The following RASSF8 variants were observed in gnomAD, a reference collection of about 807,000 sequenced individuals.
The protein encoded by RASSF8 is ras association domain-containing protein 8.
A neutral mutation model predicts 48.5 loss-of-function variants in RASSF8; 22 were observed. That is an observed-to-expected ratio of 0.45 (90% CI 0.32 to 0.65). The LOEUF (loss-of-function observed/expected upper bound fraction) is 0.65. RASSF8 is among the 30% of genes least tolerant of loss of function. RASSF8 has a pLI of 0.03. For missense variants in RASSF8, 418 were observed against 489.2 expected, an observed-to-expected ratio of 0.85 and a Z score of 1.37; for synonymous variants, 127 against 171.5, an observed-to-expected ratio of 0.74 and a Z score of 2.03.
At chr12:26,043,423 C>G (rs1412231989) in intron 2 of RASSF8, among the ~76,000 whole-genome samples, 1 of 152,156 alleles carries the variant, frequency 6.6e-6, no homozygotes, top group Non-Finnish European at 1.5e-5. Context: ...GTAACCTGCG[C>G]AGAGTTTGGA....
At chr12:26,048,085 G>T (rs1323591689) in intron 2 of RASSF8, among the ~76,000 whole-genome samples, 1 of 152,210 alleles carries the variant, frequency 6.6e-6, no homozygotes, top group African/African-American at 2.4e-5. Context: ...GGAACCATTT[G>T]GGTAGGCTGT....
intron 1 of RASSF8, among the ~76,000 whole-genome samples, chr12:25,994,818 G>C (rs1942094738): frequency 1.3e-5 from 2 of 152,166 alleles, no homozygotes; most frequent in Non-Finnish European, 2.9e-5. Context: ...GCACAAAAAT[G>C]CTAATTGAAA....
intron 2 of RASSF8, among the ~76,000 whole-genome samples, chr12:26,026,612 T>G (rs1942919109): frequency 6.6e-6 from 1 of 152,116 alleles, no homozygotes; most frequent in Non-Finnish European, 1.5e-5. Flanking sequence ...ATTTTTATAT[T>G]TTTAGTTGGG....
At chr12:25,967,234 T>C (rs1347821377) in intron 1 of RASSF8, among the ~76,000 whole-genome samples, 1 of 152,240 alleles carries the variant, frequency 6.6e-6, no homozygotes, top group Admixed American at 6.5e-5. Context: ...TTCCTTACAA[T>C]AGCCTTTGTG....
At chr12:26,021,601 A>G (rs1942788913) in intron 2 of RASSF8, 1 of 152,254 alleles carries the variant, frequency 6.6e-6, no homozygotes, top group Admixed American at 6.5e-5. Flanking sequence ...CAGGTGTGGC[A>G]AGCCTAGAAT....
intron 1 of RASSF8, among the ~76,000 whole-genome samples, chr12:25,977,125 T>A (rs1047561953): frequency 1.3e-5 from 2 of 152,224 alleles, no homozygotes; most frequent in Admixed American, 1.3e-4. Context: ...CCTAAGCGAA[T>A]AGCTGCAGAT....
chr12:26,078,480 T>A (rs1231181287), intron 5 of RASSF8, among the ~76,000 whole-genome samples: 2 of 152,208 alleles, frequency 1.3e-5, no homozygotes, highest in Admixed American at 1.3e-4. Context: ...TTTCTGTTTG[T>A]AAGCAACAGA....
At chr12:26,011,431 C>T (rs1942522296) in intron 2 of RASSF8, among the ~76,000 whole-genome samples, 1 of 152,190 alleles carries the variant, frequency 6.6e-6, no homozygotes, top group African/African-American at 2.4e-5. Context: ...TGGTAGATGA[C>T]TCTTCTAAGC....
chr12:26,071,010 G>A lies in RASSF8; in HGVS notation c.*2192G>A. The A allele has an allele frequency of 1.0e-6, 1 of 985,218 alleles. No homozygotes were observed. The highest frequency in any genetic ancestry group is 1.2e-6 in the Non-Finnish European group (1 of 829,784). 61.0% of individuals were successfully genotyped at this position (985,218 alleles called of 1,614,324 possible). ...GTTAACCTCTCTGACAACTTCATCA[G>A]AATTTCCAAGCTGCCAAATAATCTT... On this transcript the variant is annotated 3_prime_UTR_variant, in exon 6 of 6. Transcript: ENST00000689635.
At chr12:26,056,501 G>T (rs1237616322) in intron 3 of RASSF8, among the ~76,000 whole-genome samples, 2 of 152,162 alleles carry the variant, frequency 1.3e-5, no homozygotes, top group African/African-American at 2.4e-5. Context: ...ATCAAAAGTT[G>T]ATTTTATGTC....
chr12:26,034,528 G>A (rs896022291), intron 2 of RASSF8, among the ~76,000 whole-genome samples: 2 of 152,104 alleles, frequency 1.3e-5, no homozygotes, highest in African/African-American at 4.8e-5. Context: ...CTTGATCTAG[G>A]ATTTCTATCA....
chr12:25,978,275 A>G (rs1311522642), intron 1 of RASSF8, among the ~76,000 whole-genome samples: 6 of 152,184 alleles, frequency 3.9e-5, no homozygotes, highest in Non-Finnish European at 8.8e-5. Flanking sequence ...TTAAGCGCCT[A>G]AATGACTAGG....
Position 26,069,922 on chromosome 12 carries a change from A to G in RASSF8, c.*1104A>G, listed in dbSNP as rs1389781872. 2.0e-6 allele frequency: 2 copies of G among 980,216 alleles called. No homozygotes were observed. Among genetic ancestry groups the G allele is most frequent in the Non-Finnish European group, 2.4e-6 (2 of 825,344 alleles). The allele number at this position is 980,216 out of a possible 1,614,324, so 60.7% of individuals were successfully genotyped here. On this transcript the variant is annotated 3_prime_UTR_variant, in exon 6 of 6. Coordinates refer to ENST00000689635, the MANE Select transcript of RASSF8 (RefSeq NM_001394098.1). ...AAGGATATAAAGTCAAATTCAGCAT[A>G]TGTTTTTATTTTTAGGCTTGACTTT...
chr12:26,027,185 G>T (rs1942932772), intron 2 of RASSF8, among the ~76,000 whole-genome samples: 1 of 152,210 alleles, frequency 6.6e-6, no homozygotes, highest in African/African-American at 2.4e-5. Flanking sequence ...TATGGCTGGG[G>T]ATTTGATGGG....
At chr12:26,074,525 A>G (rs1443073573), downstream of RASSF8, among the ~76,000 whole-genome samples, 2 of 148,608 alleles carry the variant, frequency 1.3e-5, no homozygotes, top group Non-Finnish European at 3.0e-5. Flanking sequence ...TTTTTTTTTT[A>G]GTAGAGACGG....
intron 1 of RASSF8, chr12:25,973,653 T>C (rs1941534995): frequency 6.6e-6 from 1 of 152,134 alleles, no homozygotes; most frequent in Non-Finnish European, 1.5e-5. Flanking sequence ...GGTGATGGCA[T>C]TTGGAGGTGG....
chr12:26,049,237 A>C (rs980491093), intron 2 of RASSF8, among the ~76,000 whole-genome samples: 1 of 152,218 alleles, frequency 6.6e-6, no homozygotes, highest in Non-Finnish European at 1.5e-5. Context: ...AGGGATGGGA[A>C]GAAATGACTT....
chr12:26,079,313 G>A (rs1944097709), exon 6 of RASSF8: 3 of 328,728 alleles, frequency 9.1e-6, no homozygotes, highest in Non-Finnish European at 1.7e-5. Context: ...GGCTGGGCAT[G>A]GTGGCTCACG....
At chr12:26,059,559 T>C (rs1943692948) in intron 3 of RASSF8, among the ~76,000 whole-genome samples, 1 of 152,196 alleles carries the variant, frequency 6.6e-6, no homozygotes, top group East Asian at 1.9e-4. Flanking sequence ...TTTAAAAAAT[T>C]ATACTCTTCA....
Sources: gnomAD v4.1 joint callset for allele counts (sites outside exome capture counted in the v4.1 genomes callset) on GRCh38, gnomAD v4.1.1 for gene constraint, MANE v1.5 for transcripts, NCBI Gene and HGNC (gene_info 2026-07-23, HGNC 2026-07-21) for gene names.